The following GAK variants were observed in gnomAD, a reference collection of about 807,000 sequenced individuals.
GAK encodes the protein cyclin G associated kinase, also known as cyclin-G-associated kinase.
Under a neutral mutation model 143.9 loss-of-function variants are expected in GAK, and 79 were observed. The ratio of observed to expected loss-of-function variants is 0.55; its 90% CI spans 0.46 to 0.66. The LOEUF (loss-of-function observed/expected upper bound fraction) is 0.66. GAK is among the 30% of genes least tolerant of loss of function. GAK has a pLI of 0.00. For synonymous variants in GAK, 881 were observed against 765.5 expected (o/e 1.15, Z -2.49); for missense variants, 1,693 against 1,779.7 (o/e 0.95, Z 0.88).
chr4:880,038 G>A (rs1220717054), intron 15 of GAK, among the ~76,000 whole-genome samples: 2 of 149,762 alleles, frequency 1.3e-5, no homozygotes, highest in Admixed American at 6.6e-5. Flanking sequence ...CAGCTCTGAC[G>A]AATGCCCCAC....
At chr4:909,793 T>A (rs1392138297) in intron 4 of GAK, among the ~76,000 whole-genome samples, 8 of 152,204 alleles carry the variant, frequency 5.3e-5, no homozygotes, top group Admixed American at 5.2e-4. Context: ...TGGACGCCCC[T>A]TGTGCTGCCT....
At chr4:877,465 G>A in intron 16 of GAK, 150 bp downstream of exon 16, 1 of 814,896 alleles carries the variant, frequency 1.2e-6, no homozygotes. Context: ...CTGCTGACCA[G>A]GATCCCAAGT....
intron 3 of GAK, chr4:912,073 G>A (rs766362793): frequency 2.1e-6 from 1 of 475,720 alleles, no homozygotes; most frequent in South Asian, 1.5e-5. Flanking sequence ...GTGGCAGGAG[G>A]AGGCAGGGCC....
At chr4:924,826 A>T (rs1221887905) in intron 1 of GAK, among the ~76,000 whole-genome samples, 1 of 84,738 alleles carries the variant, frequency 1.2e-5, no homozygotes, top group Non-Finnish European at 2.5e-5. Flanking sequence ...GTGGGGGTGG[A>T]GTTCCCCCGG....
intron 24 of GAK, among the ~76,000 whole-genome samples, chr4:856,560 C>T (rs1397135360): frequency 6.7e-6 from 1 of 148,568 alleles, no homozygotes; most frequent in East Asian, 2.1e-4. Context: ...CTCACCACCA[C>T]AGCTGCTCAC....
At chr4:851,141 A>G (rs1339727958) in intron 25 of GAK, 57 bp from the exon 26 acceptor site, 2 of 1,483,642 alleles carry the variant, frequency 1.3e-6, no homozygotes, top group Middle Eastern at 2.2e-4. Context: ...TCTGTCACCC[A>G]GGCCAGAGTG....
At chr4:912,056 C>T in intron 3 of GAK, 1 of 486,270 alleles carries the variant, frequency 2.1e-6, no homozygotes, top group South Asian at 1.5e-5. Context: ...CAAAGTCCAT[C>T]CCGCGCGTGG....
intron 1 of GAK, among the ~76,000 whole-genome samples, chr4:926,037 G>A (rs13135749): frequency 1.3e-5 from 2 of 151,220 alleles, no homozygotes; most frequent in African/African-American, 4.9e-5. Context: ...TGACCTCCCC[G>A]AACGTCTAAT....
chr4:885,022 C>T (rs112078130), intron 11 of GAK, among the ~76,000 whole-genome samples: 709 of 140,552 alleles, frequency 5.0e-3, no homozygotes, highest in East Asian at 8.8e-3. Context: ...GCGGGTCTTC[C>T]GTGCGTTCAA....
intron 24 of GAK, among the ~76,000 whole-genome samples, chr4:855,791 C>T (rs1749020848): frequency 6.6e-6 from 1 of 152,124 alleles, no homozygotes; most frequent in Non-Finnish European, 1.5e-5. Context: ...CATGTCTCTA[C>T]TAAAAATACA....
chr4:859,380 T>C, intron 24 of GAK: 1 of 1,486,170 alleles, frequency 6.7e-7, no homozygotes, highest in Non-Finnish European at 9.0e-7. Flanking sequence ...CGGTGGGGGC[T>C]GGCAGCAGTG....
intron 1 of GAK, 147 bp downstream of exon 1, chr4:931,896 C>A: frequency 1.5e-6 from 1 of 646,960 alleles, no homozygotes; most frequent in Non-Finnish European, 2.7e-6. Flanking sequence ...TCGGCAGAGA[C>A]CCTCCCCTGG....
intron 1 of GAK, among the ~76,000 whole-genome samples, chr4:925,413 G>A (rs73064453): frequency 5.3e-5 from 8 of 152,204 alleles, no homozygotes; most frequent in Admixed American, 2.6e-4. Context: ...ACAGAGTGCC[G>A]GGGGACAGTG....
intron 5 of GAK, among the ~76,000 whole-genome samples, chr4:902,448 T>C (rs1394938730): frequency 6.7e-6 from 1 of 148,814 alleles, no homozygotes; most frequent in Admixed American, 6.7e-5. Flanking sequence ...CTACTGAAAA[T>C]ACAAAAACTA....
At chr4:891,684 G>A (rs145100696) in intron 9 of GAK, among the ~76,000 whole-genome samples, 3 of 152,062 alleles carry the variant, frequency 2.0e-5, no homozygotes, top group Admixed American at 6.6e-5. Flanking sequence ...TCCCTCCAGC[G>A]CACTCGACAA....
chr4:890,567 G>C lies in GAK; in HGVS notation c.1046C>G (p.Pro349Arg), dbSNP rs759383229. The C allele has an allele frequency of 1.2e-6, 2 of 1,610,742 alleles. No homozygotes were observed. The highest frequency in any genetic ancestry group is 2.2e-5 in the East Asian group (1 of 44,756). ...GSATLSRGPP[P>R]PVGPAGSGYS... ...GCCACTGCCAGCGGGGCCCACGGGA[G>C]GGGGTGGCCCTCGGGACAGTGTGGC... Residue 349 changes from proline to arginine, a missense_variant, in exon 10 of 28, where the codon CCT becomes CGT. Physicochemically the swap from Pro to Arg is moderately radical, Grantham distance 103. Coordinates refer to ENST00000314167, the MANE Select transcript of GAK (RefSeq NM_005255.4).
chr4:883,798 C>G (rs1393499394), intron 12 of GAK, among the ~76,000 whole-genome samples: 1 of 152,250 alleles, frequency 6.6e-6, no homozygotes, highest in Non-Finnish European at 1.5e-5. Flanking sequence ...TGTGTTGTTC[C>G]TGGCATGACC....
intron 2 of GAK, 109 bp downstream of exon 2, chr4:913,498 G>A: frequency 3.4e-6 from 3 of 874,986 alleles, no homozygotes; most frequent in Admixed American, 1.8e-5. Flanking sequence ...TGTCCAGGCT[G>A]TAAAAGGAAA....
At chr4:850,907 C>G in intron 26 of GAK, 29 bp downstream of exon 26, 1 of 1,604,366 alleles carries the variant, frequency 6.2e-7, no homozygotes, top group East Asian at 2.2e-5. Context: ...GGCCTCTGGG[C>G]TCCCAGGAAG....
Sources: allele counts gnomAD v4.1 joint callset (sites outside exome capture counted in the v4.1 genomes callset), GRCh38; gene constraint gnomAD v4.1.1; transcripts MANE v1.5; gene names NCBI Gene and HGNC (gene_info 2026-07-23, HGNC 2026-07-21).